EIF4E: variants seen among roughly 807,000 people sequenced by gnomAD.
EIF4E encodes eIF-4F 25 kDa subunit.
For synonymous variants in EIF4E, 71 were observed against 88.5 expected, an observed-to-expected ratio of 0.80 and a Z score of 1.11; for missense variants, 113 against 265.6, an observed-to-expected ratio of 0.43 and a Z score of 3.99.
At chr4:98,905,137 T>C (rs1724815178) in intron 1 of EIF4E, among the ~76,000 whole-genome samples, 1 of 151,660 alleles carries the variant, frequency 6.6e-6, no homozygotes, top group African/African-American at 2.4e-5. Flanking sequence ...ACCATATTCC[T>C]CTCTCTACTC....
At chr4:98,904,006 G>C (rs1047703066) in intron 1 of EIF4E, among the ~76,000 whole-genome samples, 5 of 152,162 alleles carry the variant, frequency 3.3e-5, no homozygotes, top group African/African-American at 4.8e-5. Context: ...CAGGGTACCA[G>C]AGAAAAACTG....
chr4:98,923,711 A>C (rs937423562), intron 1 of EIF4E, among the ~76,000 whole-genome samples: 4 of 152,112 alleles, frequency 2.6e-5, no homozygotes, highest in Non-Finnish European at 5.9e-5. Context: ...ATTGTGAATC[A>C]CAGGCTTTGC....
chr4:98,927,576 A>T (rs1725930751), intron 1 of EIF4E, among the ~76,000 whole-genome samples: 2 of 142,862 alleles, frequency 1.4e-5, no homozygotes, highest in Non-Finnish European at 3.0e-5. Flanking sequence ...GAATCGCTTG[A>T]ACCCGGAGGC....
chr4:98,906,985 G>C (rs534286033), intron 1 of EIF4E, among the ~76,000 whole-genome samples: 2 of 152,276 alleles, frequency 1.3e-5, no homozygotes, highest in Admixed American at 1.3e-4. Flanking sequence ...TGATACATGG[G>C]AAATGCAAAA....
intron 3 of EIF4E, among the ~76,000 whole-genome samples, chr4:98,889,965 A>G (rs1724081124): frequency 1.3e-5 from 2 of 152,334 alleles, no homozygotes; most frequent in South Asian, 4.1e-4. Context: ...AACTAGACCT[A>G]TAAATTATTA....
At chr4:98,927,142 A>G (rs1725905908) in intron 1 of EIF4E, among the ~76,000 whole-genome samples, 1 of 152,196 alleles carries the variant, frequency 6.6e-6, no homozygotes, top group African/African-American at 2.4e-5. Context: ...GTGTTATGTA[A>G]TATTAATGTC....
At position 98,879,446 on chromosome 4, in the gene EIF4E, C is replaced by T. The variant is rs1420910604; in HGVS notation, c.*1582G>A. 6.6e-6 allele frequency: 1 copy of T among 152,140 alleles called. No individual in the cohort carries two copies. The highest frequency in any genetic ancestry group is 6.5e-5 in the Admixed American group (1 of 15,272). 9.4% of individuals were successfully genotyped at this position (152,140 alleles called of 1,614,324 possible). ...TTGGTCTGATAGCCATACTTCATCTCACAGGACTATACAAGTATGTACTAT... is the reference window on the plus strand; with the variant it reads ...TTGGTCTGATAGCCATACTTCATCTTACAGGACTATACAAGTATGTACTAT... On this transcript the variant is annotated 3_prime_UTR_variant, in exon 7 of 7. Transcript: ENST00000450253.
chr4:98,895,756 T>TA (rs1724353058), intron 2 of EIF4E, among the ~76,000 whole-genome samples: 3 of 152,136 alleles, frequency 2.0e-5, no homozygotes, highest in Non-Finnish European at 4.4e-5. Flanking sequence ...TTTAAACACA[T>TA]AAAGATCTAT....
intron 1 of EIF4E, among the ~76,000 whole-genome samples, chr4:98,911,759 T>A (rs896405729): frequency 6.6e-6 from 1 of 151,078 alleles, no homozygotes; most frequent in Non-Finnish European, 1.5e-5. Flanking sequence ...AGCACTAACA[T>A]GTACCTACTG....
intron 1 of EIF4E, among the ~76,000 whole-genome samples, chr4:98,910,493 ATAC>A (rs952750612): frequency 1.8e-4 from 28 of 152,358 alleles, no homozygotes; most frequent in Admixed American, 5.2e-4. Context: ...GTGTCCAAAA[ATAC>A]TACAAAAATT....
intron 1 of EIF4E, among the ~76,000 whole-genome samples, chr4:98,911,661 C>CAAA (rs767631331): frequency 0.023 from 1,330 of 58,976 alleles, 24 homozygotes; most frequent in Non-Finnish European, 0.028. Flanking sequence ...AACTCTGTCT[C>CAAA]AAAAAAAAAA....
intron 1 of EIF4E, among the ~76,000 whole-genome samples, chr4:98,927,467 C>T (rs578070820): frequency 6.7e-6 from 1 of 148,400 alleles, no homozygotes; most frequent in Non-Finnish European, 1.5e-5. Context: ...ACCAGCCTGG[C>T]CAACATGGTG....
chr4:98,882,101 T>C (rs890861163), intron 6 of EIF4E, among the ~76,000 whole-genome samples: 31 of 152,126 alleles, frequency 2.0e-4, no homozygotes, highest in African/African-American at 7.0e-4. Flanking sequence ...TCTTAAAAAT[T>C]TGAATCTTTG....
rs941040221 is a variant in EIF4E, at chr4:98,924,316, A to G, written c.18+4779T>C. Among the ~76,000 whole-genome samples, 7 of 152,068 alleles carry G rather than the reference A, an allele frequency of 4.6e-5. No individual in the cohort carries two copies. In the East Asian group the frequency reaches 1.4e-3, roughly 29 times the overall value. Reference sequence around the variant, plus strand: ...CTGGTCTCAAACTACTGACCTGGTGATCTACCCACCTCGGCCTCCCAAAGT... The same window carrying G: ...CTGGTCTCAAACTACTGACCTGGTGGTCTACCCACCTCGGCCTCCCAAAGT... On this transcript the variant is annotated intron_variant, in intron 1 of 6. Transcript: ENST00000450253.
At chr4:98,888,391 T>G (rs1210777966) in intron 3 of EIF4E, among the ~76,000 whole-genome samples, 1 of 152,142 alleles carries the variant, frequency 6.6e-6, no homozygotes, top group Non-Finnish European at 1.5e-5. Flanking sequence ...ATTGCATGAC[T>G]GAAACAGTCA....
chr4:98,893,399 T>C (rs1233766646), intron 2 of EIF4E, among the ~76,000 whole-genome samples: 2 of 152,232 alleles, frequency 1.3e-5, no homozygotes, highest in Non-Finnish European at 2.9e-5. Context: ...TTTGTAAGCA[T>C]TTTACATAGT....
intron 1 of EIF4E, among the ~76,000 whole-genome samples, chr4:98,903,944 G>A (rs901844990): frequency 6.6e-6 from 1 of 152,096 alleles, no homozygotes; most frequent in Non-Finnish European, 1.5e-5. Flanking sequence ...GCAGACAGTG[G>A]GAGTCTCGAT....
chr4:98,902,173 G>A (rs1724682641), intron 1 of EIF4E, among the ~76,000 whole-genome samples, 191 bp from the exon 2 acceptor site: 1 of 152,068 alleles, frequency 6.6e-6, no homozygotes, highest in African/African-American at 2.4e-5. Flanking sequence ...CCAGGTTCAA[G>A]CAGTTCTCCT....
intron 1 of EIF4E, among the ~76,000 whole-genome samples, chr4:98,917,261 C>A (rs1035730191): frequency 6.6e-6 from 1 of 151,858 alleles, no homozygotes; most frequent in African/African-American, 2.4e-5. Flanking sequence ...TAACTTTACA[C>A]CAGAAGAGTT....
Sources: gnomAD v4.1 joint callset for allele counts (sites outside exome capture counted in the v4.1 genomes callset) on GRCh38, gnomAD v4.1.1 for gene constraint, MANE v1.5 for transcripts, NCBI Gene and HGNC (gene_info 2026-07-23, HGNC 2026-07-21) for gene names.